The following DDX23 variants were observed in gnomAD, a reference collection of about 807,000 sequenced individuals.
DDX23 encodes the protein DEAD-box helicase 23.
In DDX23, 33 loss-of-function variants were observed where a neutral mutation model predicts 102.7. That is an observed-to-expected ratio of 0.32 (90% CI 0.24 to 0.43). The LOEUF is 0.43. Among genes scored for constraint, DDX23 ranks in the 20% least tolerant of loss-of-function variants. The probability of loss-of-function intolerance (pLI) is 1.00; values close to 1 mark genes in which losing one functional copy is unlikely to be tolerated. For missense variants in DDX23, 549 were observed against 1,086.6 expected (o/e 0.51, Z 6.96); for synonymous variants, 352 against 376.0 (o/e 0.94, Z 0.74).
chr12:48,842,725 C>T (rs1938588068), intron 3 of DDX23, among the ~76,000 whole-genome samples: 1 of 150,612 alleles, frequency 6.6e-6, no homozygotes. Context: ...AGGTGAGGGG[C>T]GCCTCTGCCC....
At position 48,832,377 on chromosome 12, in the gene DDX23, AT is replaced by A; in HGVS notation, c.1955+44del. On this transcript the variant is annotated intron_variant, in intron 14 of 16. Coordinates refer to ENST00000308025, the MANE Select transcript of DDX23 (RefSeq NM_004818.3). The surrounding 1 kb of genome is among the most constrained non-coding windows in gnomAD (Gnocchi z 4.4). ...CTGCACTAAAAAAGTTCTCAGAGCCATTTTATTCTCCACCCTGTTTCCCCTG... is the reference window on the plus strand; with the variant it reads ...CTGCACTAAAAAAGTTCTCAGAGCCATTTATTCTCCACCCTGTTTCCCCTG... 1 of 1,601,272 alleles carries A rather than the reference AT, an allele frequency of 6.2e-7. No homozygotes were observed. Among genetic ancestry groups the A allele is most frequent in the Non-Finnish European group, 8.5e-7 (1 of 1,170,532 alleles).
In DDX23 at chr12:48,844,061, G is replaced by T; in HGVS notation, c.210-11C>A. The T allele has an allele frequency of 6.2e-7, 1 of 1,613,334 alleles. No individual in the cohort carries two copies. Among genetic ancestry groups the T allele is most frequent in the African/African-American group, 1.3e-5 (1 of 74,988 alleles). On this transcript the variant is annotated splice_polypyrimidine_tract_variant and intron_variant, in intron 2 of 16. Coordinates refer to ENST00000308025, the MANE Select transcript of DDX23 (RefSeq NM_004818.3). ...TTGTGCCGTCGTTCTCTGGAAGACC[G>T]CAAATTTAAGAGTTCACTTGGTATT...
chr12:48,847,091 T>C (rs966061742), intron 1 of DDX23, among the ~76,000 whole-genome samples: 2 of 152,174 alleles, frequency 1.3e-5, no homozygotes, highest in East Asian at 1.9e-4. Flanking sequence ...TTAAGAAAGA[T>C]TGTATAAAGA....
At position 48,831,429 on chromosome 12, in the gene DDX23, AGAAAG is replaced by A. The variant is rs201475788; in HGVS notation, c.2065-118_2065-114del. ...GGGTTGGAGAGAGCAGCAGAGTACG[AGAAAG>A]GAAAGGAAACAAGAGAATGATTGCA... On this transcript the variant is annotated intron_variant, in intron 15 of 16. Transcript: ENST00000308025. The A allele has an allele frequency of 6.2e-3, 6,115 of 982,474 alleles. 258 individuals carry two copies. The African/African-American group carries it at 0.086, about 14-fold the overall frequency. 60.9% of individuals were successfully genotyped at this position (982,474 alleles called of 1,614,324 possible).
intron 3 of DDX23, among the ~76,000 whole-genome samples, chr12:48,841,367 C>T (rs1432369039): frequency 6.6e-6 from 1 of 152,160 alleles, no homozygotes; most frequent in Non-Finnish European, 1.5e-5. Flanking sequence ...GCCTGGGCAA[C>T]AGAACAAAAA....
chr12:48,851,472 C>CAAA, intron 1 of DDX23, among the ~76,000 whole-genome samples: 1 of 116,854 alleles, frequency 8.6e-6, no homozygotes, highest in African/African-American at 3.2e-5. Context: ...GACTCCGTCT[C>CAAA]AAAAAAAAAA....
intron 1 of DDX23, among the ~76,000 whole-genome samples, chr12:48,848,152 G>C (rs1452979734): frequency 6.6e-6 from 1 of 152,084 alleles, no homozygotes; most frequent in Admixed American, 6.6e-5. Flanking sequence ...CGGGCGTGGT[G>C]GTGGGCGCCT....
intron 1 of DDX23, among the ~76,000 whole-genome samples, chr12:48,851,636 G>A (rs1201131737): frequency 6.6e-6 from 1 of 152,232 alleles, no homozygotes; most frequent in Non-Finnish European, 1.5e-5. Context: ...TGACGCTTGA[G>A]CTTTTAAGTA....
At chr12:48,833,874 T>A (rs539753644) in intron 12 of DDX23, among the ~76,000 whole-genome samples, 168 of 152,262 alleles carry the variant, frequency 1.1e-3, no homozygotes, top group Middle Eastern at 0.01. Context: ...TAAATTTTTT[T>A]AAAAAATTGT....
At chr12:48,837,425 C>A in intron 7 of DDX23, 32 bp from the exon 8 acceptor site, 1 of 1,612,828 alleles carries the variant, frequency 6.2e-7, no homozygotes, top group Non-Finnish European at 8.5e-7. Flanking sequence ...AGCACATGAG[C>A]TTTGAGGCCC....
intron 1 of DDX23, among the ~76,000 whole-genome samples, chr12:48,850,279 G>A (rs1168423691): frequency 6.6e-6 from 1 of 152,210 alleles, no homozygotes; most frequent in Non-Finnish European, 1.5e-5. Context: ...GAAGCAGAAA[G>A]AGCAGACACA....
At chr12:48,841,955 C>A (rs1256445975) in intron 3 of DDX23, among the ~76,000 whole-genome samples, 1 of 151,494 alleles carries the variant, frequency 6.6e-6, no homozygotes, top group South Asian at 2.1e-4. Context: ...CTCTGCCCTG[C>A]CGCCCCGTCT....
chr12:48,834,305 G>T lies in DDX23; in HGVS notation c.1560+15C>A, dbSNP rs75988223. On this transcript the variant is annotated intron_variant, in intron 12 of 16. Transcript: ENST00000308025. ...TTCCCAGACAGCAGGCTGGCTGCTA[G>T]ATAGAAAAACAAACCTCACAACCCA... The T allele has an allele frequency of 2.6e-3, 4,219 of 1,596,660 alleles. 98 individuals are homozygous for T. The African/African-American group carries it at 0.048, about 18-fold the overall frequency.
chr12:48,837,820 C>T, intron 6 of DDX23, 122 bp downstream of exon 6: 2 of 1,540,248 alleles, frequency 1.3e-6, no homozygotes, highest in Non-Finnish European at 1.7e-6. Context: ...TCATAAACTC[C>T]CACCATCCTT....
chr12:48,839,955 A>G (rs1565677212), intron 4 of DDX23, 46 bp from the exon 5 acceptor site: 1 of 1,613,464 alleles, frequency 6.2e-7, no homozygotes. Context: ...CTCTCCCTTT[A>G]AAGATCAACA....
chr12:48,832,256 T>C lies in DDX23; in HGVS notation c.1956-70A>G. On this transcript the variant is annotated intron_variant, in intron 14 of 16. Coordinates refer to ENST00000308025, the MANE Select transcript of DDX23 (RefSeq NM_004818.3). This position sits in a 1 kb window ranked among gnomAD's most constrained non-coding sequence, Gnocchi z 4.4. ...CCAAGTGAAATGCCCAACCCTCATC[T>C]ATGAACACTACTTTCAGGGTCTTTA... 6.3e-7 allele frequency: 1 copy of C among 1,575,100 alleles called. No individual in the cohort carries two copies. Among genetic ancestry groups the C allele is most frequent in the Non-Finnish European group, 8.7e-7 (1 of 1,146,966 alleles).
intron 5 of DDX23, among the ~76,000 whole-genome samples, chr12:48,839,114 A>T (rs1938507623): frequency 6.6e-6 from 1 of 151,942 alleles, no homozygotes; most frequent in African/African-American, 2.4e-5. Context: ...GGCTCAAGTG[A>T]TCCTCCCATC....
rs780938213 is a variant in DDX23, at chr12:48,845,641, G to A, written c.142C>T (p.Arg48Cys). The change falls in exon 2 of 17, where the codon CGT becomes TGT. Residue 48 changes from arginine (R) to cysteine (C), a missense_variant. Around this residue, in one of 4 missense-constraint regions of DDX23, gnomAD observed 241 missense variants for 267.0 expected, o/e 0.90. Coordinates refer to ENST00000308025, the MANE Select transcript of DDX23 (RefSeq NM_004818.3). Reference protein sequence around the residue: ...SSPSKDRKRHRSRDRRRGGSR... With the variant: ...SSPSKDRKRHCSRDRRRGGSR... ...CCTCCTCGACGTCTATCCCTTGAAC[G>A]ATGCCGCTTTCTATCTTTAGATGGG... The A allele has an allele frequency of 5.0e-6, 8 of 1,614,106 alleles. No individual in the cohort carries two copies. In the African/African-American group the frequency reaches 9.3e-5, roughly 19 times the overall value.
At chr12:48,841,924 C>A (rs1367297166) in intron 3 of DDX23, among the ~76,000 whole-genome samples, 4 of 151,184 alleles carry the variant, frequency 2.6e-5, no homozygotes, top group Non-Finnish European at 5.9e-5. Flanking sequence ...GGCCGCCCAT[C>A]GTCTGAGATG....
Sources: gnomAD v4.1 joint callset for allele counts (sites outside exome capture counted in the v4.1 genomes callset) on GRCh38, gnomAD v4.1.1 for gene constraint, gnomAD v4.1.1 regional missense constraint, Gnocchi (gnomAD v3.1) non-coding constraint, MANE v1.5 for transcripts, NCBI Gene and HGNC (gene_info 2026-07-23, HGNC 2026-07-21) for gene names.